Variants in KLHL7 observed in about 807,000 individuals in gnomAD.
The protein encoded by KLHL7 is kelch like family member 7.
KLHL7 carries 44 observed loss-of-function variants against 67.4 expected under a neutral mutation model. The ratio of observed to expected loss-of-function variants is 0.65; its 90% CI spans 0.51 to 0.84. KLHL7 has a LOEUF of 0.84. Ranked by LOEUF, KLHL7 falls within the 40% of genes least tolerant of loss-of-function variation. The probability of loss-of-function intolerance (pLI) is 0.00; values close to 1 mark genes in which losing one functional copy is unlikely to be tolerated. For synonymous variants in KLHL7, 252 were observed against 243.3 expected (o/e 1.04, Z -0.33); for missense variants, 362 against 718.1 (o/e 0.50, Z 5.67).
chr7:23,106,350 G>C lies in KLHL7; in HGVS notation c.120+204G>C. On this transcript the variant is annotated intron_variant, in intron 1 of 10. Transcript: ENST00000339077. ...TCTCGAGCAAAAGTGCTTCTCGTCT[G>C]CCGAGGATGTAGCTCCCAAGTCAGA... The C allele has an allele frequency of 2.1e-6, 3 of 1,416,602 alleles. No individual in the cohort carries two copies. The South Asian group carries it at 4.3e-5, about 20-fold the overall frequency. The allele number at this position is 1,416,602 out of a possible 1,614,324, so 87.8% of individuals were successfully genotyped here.
At chr7:23,118,890 A>C (rs1012455500) in intron 1 of KLHL7, among the ~76,000 whole-genome samples, 25 of 151,990 alleles carry the variant, frequency 1.6e-4, no homozygotes, top group Non-Finnish European at 1.9e-4. Context: ...TGGGCAACAC[A>C]GTGAGACCTC....
Position 23,175,524 on chromosome 7 carries a change from A to G in KLHL7, c.*1226A>G, listed in dbSNP as rs6947347. ...TCAGTTTTCTTTATATAGAGGTTAT[A>G]ATAGTCTTAAACCCTAAAAATGTTT... On this transcript the variant is annotated 3_prime_UTR_variant, in exon 11 of 11. Coordinates refer to ENST00000339077, the MANE Select transcript of KLHL7 (RefSeq NM_001031710.3). The G allele has an allele frequency of 4.3e-5, 15 of 349,100 alleles. No individual in the cohort carries two copies. The highest frequency in any genetic ancestry group is 8.2e-5 in the Non-Finnish European group (15 of 182,770). 21.6% of individuals were successfully genotyped at this position (349,100 alleles called of 1,614,324 possible).
At chr7:23,157,893 A>G (rs555628839) in intron 7 of KLHL7, among the ~76,000 whole-genome samples, 1 of 152,318 alleles carries the variant, frequency 6.6e-6, no homozygotes, top group African/African-American at 2.4e-5. Context: ...GTGGAAACAG[A>G]GCTGCACATA....
intron 6 of KLHL7, among the ~76,000 whole-genome samples, chr7:23,144,934 CA>C (rs776556075): frequency 4.6e-4 from 64 of 140,040 alleles, no homozygotes; most frequent in East Asian, 6.2e-4. Flanking sequence ...TCCAACTCTC[CA>C]AAAAAAAAAA....
intron 4 of KLHL7, chr7:23,129,253 T>C (rs1783704577): frequency 4.0e-6 from 1 of 249,870 alleles, no homozygotes; most frequent in Non-Finnish European, 7.9e-6. Context: ...CACTGTGTTG[T>C]TGTACATCAC....
At position 23,175,980 on chromosome 7, in the gene KLHL7, GTAT is replaced by G. The variant is rs1178585726; in HGVS notation, c.*1687_*1689del. ...AAAAAAAAAAAAAAAAAAAAAAAAT[GTAT>G]TATTCAGTGGTTTTTAATATATCCA... On this transcript the variant is annotated 3_prime_UTR_variant, in exon 11 of 11. Coordinates refer to ENST00000339077, the MANE Select transcript of KLHL7 (RefSeq NM_001031710.3). 7.8e-6 allele frequency: 1 copy of G among 128,346 alleles called. No homozygotes were observed. The highest frequency in any genetic ancestry group is 1.6e-5 in the Non-Finnish European group (1 of 62,646). The allele number at this position is 128,346 out of a possible 1,614,324, so 8.0% of individuals were successfully genotyped here.
intron 1 of KLHL7, among the ~76,000 whole-genome samples, chr7:23,116,727 C>G (rs1345565128): frequency 3.3e-5 from 5 of 152,144 alleles, no homozygotes; most frequent in Non-Finnish European, 7.3e-5. Flanking sequence ...AAAGGTAATT[C>G]TAATTGTGGG....
chr7:23,112,042 A>G (rs1264593269), intron 1 of KLHL7, among the ~76,000 whole-genome samples: 2 of 152,196 alleles, frequency 1.3e-5, no homozygotes, highest in Admixed American at 6.5e-5. Context: ...CTTGGTGATG[A>G]TAACTGCCAT....
rs2128465039 is a variant in KLHL7, at chr7:23,143,895, T to C, written c.663T>C (p.Asn221=). The part of the protein sequence containing the change: ...AVRWLKYDEP[N]RQPFMVDILA... Reference sequence around the variant, plus strand: ...GGTGGTTGAAATACGATGAACCTAATCGCCAGCCATTTATGGTTGATATCC... The same window carrying C: ...GGTGGTTGAAATACGATGAACCTAACCGCCAGCCATTTATGGTTGATATCC... Residue 221 remains asparagine, a synonymous_variant, in exon 6 of 11, where the codon AAT becomes AAC. Coordinates refer to ENST00000339077, the MANE Select transcript of KLHL7 (RefSeq NM_001031710.3). The C allele has an allele frequency of 1.2e-6, 2 of 1,614,170 alleles. No individual in the cohort carries two copies. The highest frequency in any genetic ancestry group is 3.3e-5 in the Admixed American group (2 of 60,022).
chr7:23,110,347 T>C (rs574152706), intron 1 of KLHL7, among the ~76,000 whole-genome samples: 33 of 152,336 alleles, frequency 2.2e-4, no homozygotes, highest in African/African-American at 7.7e-4. Context: ...CTAAGGCCAG[T>C]ACTTCTACCT....
At chr7:23,133,948 T>A (rs1241058759) in intron 4 of KLHL7, among the ~76,000 whole-genome samples, 1 of 152,218 alleles carries the variant, frequency 6.6e-6, no homozygotes, top group Non-Finnish European at 1.5e-5. Context: ...CATATCATTC[T>A]CTTGTCTGAT....
intron 7 of KLHL7, among the ~76,000 whole-genome samples, chr7:23,159,332 T>TA (rs869266033): frequency 2.0e-5 from 3 of 151,978 alleles, no homozygotes; most frequent in Non-Finnish European, 2.9e-5. Flanking sequence ...CATGGCCATT[T>TA]AAAAAAAATT....
At position 23,105,886 on chromosome 7, in the gene KLHL7, G is replaced by T. The variant is rs755597298; in HGVS notation, c.-141G>T. 7.5e-7 allele frequency: 1 copy of T among 1,338,340 alleles called. No homozygotes were observed. 82.9% of individuals were successfully genotyped at this position (1,338,340 alleles called of 1,614,324 possible). A position where few individuals can be genotyped will look rare whatever the true frequency, so the allele number is the denominator to read the frequency against. On this transcript the variant is annotated 5_prime_UTR_variant, in exon 1 of 11. Coordinates refer to ENST00000339077, the MANE Select transcript of KLHL7 (RefSeq NM_001031710.3). The stretch of plus-strand genomic sequence containing the variant: ...TTTCGGCAGTGGCCGAGCCACCGCC[G>T]CCTGCCGCGCGTTCCAGAGCTGGGC...
At chr7:23,151,392 A>T (rs1319837986) in intron 6 of KLHL7, among the ~76,000 whole-genome samples, 2 of 152,198 alleles carry the variant, frequency 1.3e-5, no homozygotes, top group African/African-American at 2.4e-5. Context: ...CTGAAGGAAA[A>T]GGATCATGAC....
At position 23,174,305 on chromosome 7, in the gene KLHL7, A is replaced by G. The variant is rs112802878; in HGVS notation, c.*7A>G. On this transcript the variant is annotated 3_prime_UTR_variant, in exon 11 of 11. Transcript: ENST00000339077. ...AGAGACCCTTGAAACATGAAAAATG[A>G]GTGGACTTCAGACTCATCAGAGACT... 3,205 of 1,613,970 alleles carry G rather than the reference A, an allele frequency of 2.0e-3. 71 individuals carry two copies. The African/African-American group carries it at 0.038, about 19-fold the overall frequency.
At chr7:23,173,935 A>C in intron 10 of KLHL7, 80 bp from the exon 11 acceptor site, 2 of 1,411,944 alleles carry the variant, frequency 1.4e-6, no homozygotes, top group South Asian at 1.2e-5. Flanking sequence ...TATTGGAAAA[A>C]TACAAAAAGT....
rs1583741886 is a variant in KLHL7 at position 23,172,738 on chromosome 7, G to A, written c.1380-210G>A. ...TTCTTATATCCTATCAGAATTGAAA[G>A]GAATAAAATCCATGTTTTCCCCGTG... On this transcript the variant is annotated intron_variant, in intron 9 of 10. Transcript: ENST00000339077. 3 of 484,324 alleles carry A rather than the reference G, an allele frequency of 6.2e-6. No homozygotes were observed. The East Asian group carries it at 1.0e-4, about 16-fold the overall frequency. The allele number at this position is 484,324 out of a possible 1,614,324, so 30.0% of individuals were successfully genotyped here.
intron 1 of KLHL7, among the ~76,000 whole-genome samples, chr7:23,122,255 C>T (rs1291015023): frequency 1.3e-5 from 2 of 152,234 alleles, no homozygotes; most frequent in African/African-American, 4.8e-5. Context: ...CCCTATGTTT[C>T]ATAGAAGTTC....
chr7:23,125,166 T>A lies in KLHL7; in HGVS notation c.436T>A (p.Cys146Ser). 6.2e-7 allele frequency: 1 copy of A among 1,613,336 alleles called. No individual in the cohort carries two copies. The highest frequency in any genetic ancestry group is 8.5e-7 in the Non-Finnish European group (1 of 1,179,476). ...FLKEQVDASNCLGISVLAECL... is the reference protein window; with the variant it reads ...FLKEQVDASNSLGISVLAECL... ...GAAAGAACAAGTTGATGCTTCAAAT[T>A]GTCTTGGTAAGAAATATCAGATTCC... The change falls in exon 4 of 11, where the codon TGT becomes AGT. Residue 146 changes from cysteine (C) to serine (S), a missense_variant. Around this residue, in one of 5 missense-constraint regions of KLHL7, gnomAD observed 155 missense variants for 280.8 expected, o/e 0.55. Coordinates refer to ENST00000339077, the MANE Select transcript of KLHL7 (RefSeq NM_001031710.3).
Sources: allele counts gnomAD v4.1 joint callset (sites outside exome capture counted in the v4.1 genomes callset), GRCh38; gene constraint gnomAD v4.1.1; regional missense constraint gnomAD v4.1.1; transcripts MANE v1.5; gene names NCBI Gene and HGNC (gene_info 2026-07-23, HGNC 2026-07-21).